Variants in PPP1R9A observed in about 807,000 individuals in gnomAD.
PPP1R9A encodes the protein protein phosphatase 1 regulatory subunit 9A.
A neutral mutation model predicts 141.9 loss-of-function variants in PPP1R9A; 59 were observed. The observed-to-expected ratio is 0.42, with a 90% CI of 0.34 to 0.52. The LOEUF (loss-of-function observed/expected upper bound fraction) is 0.52. PPP1R9A is among the 20% of genes least tolerant of loss of function. The probability of loss-of-function intolerance (pLI) is 0.10; values close to 1 mark genes in which losing one functional copy is unlikely to be tolerated. For synonymous variants in PPP1R9A, 500 were observed against 569.7 expected (o/e 0.88, Z 1.74); for missense variants, 1,444 against 1,611.9 (o/e 0.90, Z 1.78).
chr7:95,034,453 C>T (rs1267067617), intron 2 of PPP1R9A, among the ~76,000 whole-genome samples: 1 of 152,160 alleles, frequency 6.6e-6, no homozygotes, highest in African/African-American at 2.4e-5. Context: ...ACTACAACCT[C>T]TGCCTCCCAG....
intron 7 of PPP1R9A, among the ~76,000 whole-genome samples, chr7:95,204,428 A>G (rs1585229845): frequency 6.6e-6 from 1 of 152,128 alleles, no homozygotes; most frequent in Non-Finnish European, 1.5e-5. Flanking sequence ...AATTTGGTCT[A>G]ATCTCTAAAA....
At chr7:95,029,561 A>T (rs1220077429) in intron 2 of PPP1R9A, among the ~76,000 whole-genome samples, 1 of 152,182 alleles carries the variant, frequency 6.6e-6, no homozygotes, top group Non-Finnish European at 1.5e-5. Flanking sequence ...AGGTCTGTTT[A>T]GTCTTAAGTA....
At chr7:95,154,924 T>C (rs1829341914) in intron 4 of PPP1R9A, 1 of 152,154 alleles carries the variant, frequency 6.6e-6, no homozygotes, top group African/African-American at 2.4e-5. Flanking sequence ...TCATGTCTCA[T>C]ATGAAGGACA....
intron 13 of PPP1R9A, 22 bp from the exon 14 acceptor site, chr7:95,269,185 T>G (rs1563531797): frequency 6.7e-7 from 1 of 1,498,318 alleles, no homozygotes; most frequent in Non-Finnish European, 9.1e-7. Flanking sequence ...ATAACCTTCC[T>G]TATAATCTCT....
At chr7:94,939,558 T>G in intron 2 of PPP1R9A, among the ~76,000 whole-genome samples, 1 of 152,042 alleles carries the variant, frequency 6.6e-6, no homozygotes, top group African/African-American at 2.4e-5. Flanking sequence ...AATGAGTTGC[T>G]GAGTATTCCA....
At chr7:95,063,061 A>G (rs150856935) in intron 2 of PPP1R9A, among the ~76,000 whole-genome samples, 41 of 152,358 alleles carry the variant, frequency 2.7e-4, no homozygotes, top group African/African-American at 9.1e-4. Context: ...TGAGCCATGT[A>G]AACTTTTATG....
intron 7 of PPP1R9A, among the ~76,000 whole-genome samples, chr7:95,214,676 T>A (rs1792905760): frequency 6.6e-6 from 1 of 152,110 alleles, no homozygotes. Context: ...GGAGTCTGCC[T>A]CCTATAGTAG....
At position 94,988,725 on chromosome 7, in the gene PPP1R9A, T is replaced by G. The variant is rs75674081; in HGVS notation, c.1395+77217T>G. The stretch of plus-strand genomic sequence containing the variant: ...TATATGTTGAGAGTAAACCATTCTG[T>G]AGGTGTAAAGTAGGCAGAGTTTCAG... On this transcript the variant is annotated intron_variant, in intron 2 of 19. Transcript: ENST00000433360. Among the ~76,000 whole-genome samples the G allele has an allele frequency of 4.7e-3, 710 of 152,196 alleles. 5 individuals carry two copies. Among genetic ancestry groups the G allele is most frequent in the African/African-American group, 0.016 (676 of 41,554 alleles).
intron 2 of PPP1R9A, among the ~76,000 whole-genome samples, chr7:94,973,883 A>G (rs1799143270): frequency 6.6e-6 from 1 of 152,072 alleles, no homozygotes; most frequent in East Asian, 1.9e-4. Flanking sequence ...ACATCCAGCT[A>G]ATTTTTTATT....
chr7:94,957,645 C>G (rs866689318), intron 2 of PPP1R9A, among the ~76,000 whole-genome samples: 5 of 151,996 alleles, frequency 3.3e-5, no homozygotes, highest in Non-Finnish European at 7.4e-5. Context: ...AAACGTTCAT[C>G]TTTTAACAAA....
intron 2 of PPP1R9A, among the ~76,000 whole-genome samples, chr7:94,913,799 T>C (rs1244625983): frequency 6.6e-6 from 1 of 152,188 alleles, no homozygotes; most frequent in East Asian, 1.9e-4. Context: ...GTGTGTTCTC[T>C]CATGCTGTTA....
chr7:95,141,637 CTT>C (rs36005027), intron 4 of PPP1R9A, among the ~76,000 whole-genome samples: 80 of 148,450 alleles, frequency 5.4e-4, no homozygotes, highest in Middle Eastern at 3.5e-3. Context: ...TTGTGACTGG[CTT>C]TTTTTTTTTT....
chr7:95,234,285 C>T (rs1585383582), intron 8 of PPP1R9A, among the ~76,000 whole-genome samples: 1 of 152,156 alleles, frequency 6.6e-6, no homozygotes, highest in South Asian at 2.1e-4. Context: ...ACTATAAAGA[C>T]TCATCCAAAA....
At chr7:95,031,462 T>G (rs190243395) in intron 2 of PPP1R9A, among the ~76,000 whole-genome samples, 1 of 152,302 alleles carries the variant, frequency 6.6e-6, no homozygotes, top group East Asian at 1.9e-4. Flanking sequence ...AAAATCAGTA[T>G]TATAGAAACT....
chr7:95,101,380 C>T (rs937172909), intron 2 of PPP1R9A, among the ~76,000 whole-genome samples: 1 of 152,218 alleles, frequency 6.6e-6, no homozygotes, highest in Non-Finnish European at 1.5e-5. Context: ...ATGTTTACTT[C>T]TCACTGATGT....
At chr7:95,054,742 C>G (rs1217989864) in intron 2 of PPP1R9A, among the ~76,000 whole-genome samples, 1 of 152,098 alleles carries the variant, frequency 6.6e-6, no homozygotes, top group African/African-American at 2.4e-5. Flanking sequence ...CCCAGATGAG[C>G]TCTTCTTCCC....
chr7:95,105,399 C>T (rs990752220), intron 2 of PPP1R9A, among the ~76,000 whole-genome samples: 2 of 152,218 alleles, frequency 1.3e-5, no homozygotes, highest in African/African-American at 4.8e-5. Context: ...CCCCTGAAAG[C>T]CTGTCTCTGC....
intron 2 of PPP1R9A, among the ~76,000 whole-genome samples, chr7:94,916,706 TTTCA>T (rs1792116848): frequency 6.6e-6 from 1 of 152,142 alleles, no homozygotes; most frequent in South Asian, 2.1e-4. Context: ...ATTTCATTTC[TTTCA>T]TTCTTTTGCA....
At chr7:95,211,612 T>C (rs1191692503) in intron 7 of PPP1R9A, among the ~76,000 whole-genome samples, 1 of 152,184 alleles carries the variant, frequency 6.6e-6, no homozygotes. Context: ...AAACATGTTA[T>C]ATTTTTACTA....
Sources: allele counts gnomAD v4.1 joint callset (sites outside exome capture counted in the v4.1 genomes callset), GRCh38; gene constraint gnomAD v4.1.1; transcripts MANE v1.5; gene names NCBI Gene and HGNC (gene_info 2026-07-23, HGNC 2026-07-21).